ROBO2: variants seen among roughly 807,000 people sequenced by gnomAD.
ROBO2 encodes the protein roundabout homolog 2.
In ROBO2, 53 loss-of-function variants were observed where a neutral mutation model predicts 160.8. That is an observed-to-expected ratio of 0.33 (90% confidence interval 0.26 to 0.41). The LOEUF is 0.41. ROBO2 is among the 10% of genes least tolerant of loss of function. ROBO2 has a pLI of 1.00. For missense variants in ROBO2, 1,577 were observed against 1,722.4 expected (o/e 0.92, Z 1.49); for synonymous variants, 664 against 611.7 (o/e 1.09, Z -1.26).
intron 2 of ROBO2, among the ~76,000 whole-genome samples, chr3:76,401,856 A>G (rs1033251473): frequency 6.6e-6 from 1 of 151,562 alleles, no homozygotes; most frequent in East Asian, 1.9e-4. Context: ...TACATGTTCT[A>G]GTTTGCACAA....
intron 4 of ROBO2, among the ~76,000 whole-genome samples, chr3:77,486,787 C>T (rs151118721): frequency 3.2e-4 from 48 of 151,990 alleles, no homozygotes; most frequent in African/African-American, 9.6e-4. Context: ...GTAAAATTAT[C>T]TTGTGATGCT....
intron 2 of ROBO2, among the ~76,000 whole-genome samples, chr3:76,598,453 G>A (rs1447784): frequency 0.57 from 86,263 of 151,840 alleles, 24,744 homozygotes; most frequent in Middle Eastern, 0.76. Context: ...ATGGATTAAT[G>A]CAGGTAAAAT....
chr3:76,168,298 A>G (rs1313201599), intron 2 of ROBO2, among the ~76,000 whole-genome samples: 1 of 152,144 alleles, frequency 6.6e-6, no homozygotes, highest in Non-Finnish European at 1.5e-5. Flanking sequence ...CCTACCACAT[A>G]TTGAACTTCA....
chr3:75,984,917 C>A (rs1015499198), intron 2 of ROBO2, among the ~76,000 whole-genome samples: 68 of 151,336 alleles, frequency 4.5e-4, no homozygotes, highest in African/African-American at 1.6e-3. Flanking sequence ...ATGATATACA[C>A]TTGGAACATA....
intron 2 of ROBO2, among the ~76,000 whole-genome samples, chr3:76,975,109 A>C (rs374549029): frequency 1.3e-5 from 2 of 152,184 alleles, no homozygotes; most frequent in East Asian, 3.8e-4. Context: ...TGGAAAATAC[A>C]TCGTGCTTTA....
chr3:76,719,191 T>C (rs2093428057), intron 2 of ROBO2, among the ~76,000 whole-genome samples: 1 of 152,216 alleles, frequency 6.6e-6, no homozygotes, highest in African/African-American at 2.4e-5. Flanking sequence ...ACAGAAACTG[T>C]GCACCTTACA....
intron 2 of ROBO2, among the ~76,000 whole-genome samples, chr3:76,805,615 A>G (rs955342064): frequency 5.3e-5 from 8 of 151,906 alleles, no homozygotes; most frequent in Admixed American, 4.6e-4. Context: ...TAGATCAGAA[A>G]AGCGATATAA....
intron 19 of ROBO2, among the ~76,000 whole-genome samples, chr3:77,599,054 A>G (rs1055156574): frequency 6.6e-6 from 1 of 152,060 alleles, no homozygotes; most frequent in Admixed American, 6.6e-5. Flanking sequence ...TTTTTCTTCC[A>G]TTTTCCCTTA....
At chr3:75,974,541 C>G (rs960686072) in intron 2 of ROBO2, among the ~76,000 whole-genome samples, 5 of 151,600 alleles carry the variant, frequency 3.3e-5, no homozygotes, top group Non-Finnish European at 7.4e-5. Flanking sequence ...TGTCAAAGTA[C>G]TGTTGGTATC....
Position 76,888,326 on chromosome 3 carries a change from G to T in ROBO2, c.110-209688G>T, listed in dbSNP as rs548590320. Among the ~76,000 whole-genome samples, 15 of 152,188 alleles carry T rather than the reference G, an allele frequency of 9.9e-5. No homozygotes were observed. In the South Asian group the frequency reaches 3.1e-3, roughly 32 times the overall value. ...GAGGCTGCTGTGAGCCGAAATCACG[G>T]CCCTGCACTCCAGCCTGGGTGACAG... On this transcript the variant is annotated intron_variant, in intron 2 of 26. Coordinates refer to the ROBO2 transcript ENST00000487694.
intron 2 of ROBO2, among the ~76,000 whole-genome samples, chr3:77,163,625 G>C (rs1560139151): frequency 6.6e-6 from 1 of 152,034 alleles, no homozygotes; most frequent in Non-Finnish European, 1.5e-5. Context: ...ATAATAATTT[G>C]AAATTATAAC....
intron 2 of ROBO2, among the ~76,000 whole-genome samples, chr3:76,074,552 C>A (rs1394036964): frequency 1.3e-5 from 2 of 152,074 alleles, no homozygotes; most frequent in African/African-American, 2.4e-5. Context: ...AACATATCTT[C>A]TTTCTTAATA....
intron 8 of ROBO2, among the ~76,000 whole-genome samples, chr3:77,556,335 A>G (rs995103838): frequency 6.6e-6 from 1 of 151,966 alleles, no homozygotes; most frequent in African/African-American, 2.4e-5. Flanking sequence ...GAATTTGATG[A>G]AAAAAGCAGT....
chr3:77,291,676 T>A (rs2061287861), intron 2 of ROBO2, among the ~76,000 whole-genome samples: 1 of 151,504 alleles, frequency 6.6e-6, no homozygotes, highest in South Asian at 2.1e-4. Context: ...AATTGATGGT[T>A]AAATGGGTAA....
intron 1 of ROBO2, among the ~76,000 whole-genome samples, chr3:77,069,982 C>A (rs2067242178): frequency 1.3e-5 from 2 of 152,232 alleles, no homozygotes; most frequent in South Asian, 4.1e-4. Flanking sequence ...GGGTCATTAT[C>A]ATGGGCCCAA....
chr3:77,169,152 A>G (rs1483894550), intron 2 of ROBO2, among the ~76,000 whole-genome samples: 5 of 152,224 alleles, frequency 3.3e-5, no homozygotes, highest in Admixed American at 6.5e-5. Flanking sequence ...TAAATGAAAT[A>G]TGTGTCCGTG....
At chr3:77,077,536 G>C (rs1019606734) in intron 1 of ROBO2, among the ~76,000 whole-genome samples, 1 of 152,186 alleles carries the variant, frequency 6.6e-6, no homozygotes, top group Admixed American at 6.5e-5. Flanking sequence ...GTGGGTGATT[G>C]CTGGGGTGCG....
At chr3:77,519,044 T>C (rs983585907) in intron 5 of ROBO2, among the ~76,000 whole-genome samples, 3 of 151,478 alleles carry the variant, frequency 2.0e-5, no homozygotes, top group Non-Finnish European at 3.0e-5. Flanking sequence ...TTTATTTTAA[T>C]GGCACAGTCT....
chr3:76,696,943 G>A (rs927295806), intron 2 of ROBO2, among the ~76,000 whole-genome samples: 1 of 152,080 alleles, frequency 6.6e-6, no homozygotes, highest in African/African-American at 2.4e-5. Flanking sequence ...ATCTCTTTCT[G>A]CTTGTTGTTT....
Sources: gnomAD v4.1 joint callset for allele counts (sites outside exome capture counted in the v4.1 genomes callset) on GRCh38, gnomAD v4.1.1 for gene constraint, MANE v1.5 for transcripts, NCBI Gene and HGNC (gene_info 2026-07-23, HGNC 2026-07-21) for gene names.